Variants in SDCCAG8 observed in about 807,000 individuals in gnomAD.
SDCCAG8 encodes the protein serologically defined colon cancer antigen 8.
In SDCCAG8, 74 loss-of-function variants were observed where a neutral mutation model predicts 101.8. The ratio of observed to expected loss-of-function variants is 0.73; its 90% CI spans 0.60 to 0.88. The LOEUF is 0.88. Ranked by LOEUF, SDCCAG8 falls within the 40% of genes least tolerant of loss-of-function variation. The probability of loss-of-function intolerance (pLI) is 0.00; values close to 1 mark genes in which losing one functional copy is unlikely to be tolerated. For synonymous variants in SDCCAG8, 281 were observed against 292.9 expected (o/e 0.96, Z 0.41); for missense variants, 787 against 822.6 (o/e 0.96, Z 0.53).
At chr1:243,278,873 C>A (rs1052687812) in intron 4 of SDCCAG8, among the ~76,000 whole-genome samples, 1 of 152,144 alleles carries the variant, frequency 6.6e-6, no homozygotes, top group African/African-American at 2.4e-5. Flanking sequence ...GCCTTGACAT[C>A]CTGGGCGCAA....
intron 16 of SDCCAG8, among the ~76,000 whole-genome samples, chr1:243,430,659 G>T (rs2081677113): frequency 6.6e-6 from 1 of 151,426 alleles, no homozygotes; most frequent in Non-Finnish European, 1.5e-5. Flanking sequence ...AGCATGGTCT[G>T]GATCTCCTGA....
intron 1 of SDCCAG8, among the ~76,000 whole-genome samples, chr1:243,265,010 A>T (rs931999795): frequency 6.6e-6 from 1 of 152,180 alleles, no homozygotes; most frequent in Non-Finnish European, 1.5e-5. Flanking sequence ...GTTTCCTTAA[A>T]TGTAAGGAGC....
At chr1:243,307,615 C>G (rs756413647) in intron 7 of SDCCAG8, 145 of 984,828 alleles carry the variant, frequency 1.5e-4, no homozygotes, top group Non-Finnish European at 1.7e-4. Flanking sequence ...TTACCCCACC[C>G]CTTTTTTAAG....
rs566945226 is a variant in SDCCAG8, at chr1:243,429,095, C to A, written c.1985+2537C>A. Among the ~76,000 whole-genome samples the A allele has an allele frequency of 3.9e-5, 6 of 152,236 alleles. No homozygotes were observed. The South Asian group carries it at 1.2e-3, about 32-fold the overall frequency. Reference sequence around the variant, plus strand: ...TCCAAGAAGCAGAGAAAAGTCATGACGTTACAAGCAAAAGTTGCATTGCAG... The same window carrying A: ...TCCAAGAAGCAGAGAAAAGTCATGAAGTTACAAGCAAAAGTTGCATTGCAG... On this transcript the variant is annotated intron_variant, in intron 16 of 17. Coordinates refer to ENST00000366541, the MANE Select transcript of SDCCAG8 (RefSeq NM_006642.5).
intron 16 of SDCCAG8, among the ~76,000 whole-genome samples, chr1:243,445,172 G>A (rs2082814505): frequency 6.6e-6 from 1 of 152,134 alleles, no homozygotes; most frequent in Non-Finnish European, 1.5e-5. Flanking sequence ...AGCTCTGCCT[G>A]TCTTATATGA....
intron 16 of SDCCAG8, among the ~76,000 whole-genome samples, chr1:243,454,608 AT>A (rs2083602273): frequency 6.6e-6 from 1 of 152,200 alleles, no homozygotes; most frequent in African/African-American, 2.4e-5. Context: ...CCAGCTAAGC[AT>A]ATGTTATCTC....
intron 12 of SDCCAG8, among the ~76,000 whole-genome samples, chr1:243,345,603 CT>C (rs931252061): frequency 6.6e-6 from 1 of 152,090 alleles, no homozygotes; most frequent in African/African-American, 2.4e-5. Flanking sequence ...TATTGGCATA[CT>C]TTTGGCCTTT....
At chr1:243,324,450 C>CTTCACAT (rs1364012591) in intron 9 of SDCCAG8, among the ~76,000 whole-genome samples, 5 of 140,774 alleles carry the variant, frequency 3.6e-5, no homozygotes, top group Non-Finnish European at 6.1e-5. Flanking sequence ...GGCTTCACAT[C>CTTCACAT]TTCACATGCT....
At position 243,431,293 on chromosome 1, in the gene SDCCAG8, A is replaced by C. The variant is rs1400581305; in HGVS notation, c.1985+4735A>C. ...GAATGCTAATATTGGTGACAGAAAT[A>C]AACACTGGCGAAATGTGTAGGAAGT... is the stretch of plus-strand genomic sequence containing the variant. On this transcript the variant is annotated intron_variant, in intron 16 of 17. Coordinates refer to ENST00000366541, the MANE Select transcript of SDCCAG8 (RefSeq NM_006642.5). Among the ~76,000 whole-genome samples the C allele has an allele frequency of 2.0e-5, 3 of 152,218 alleles. No homozygotes were observed. In the East Asian group the frequency reaches 5.8e-4, roughly 29 times the overall value.
chr1:243,379,696 C>G (rs1350277169), intron 13 of SDCCAG8, among the ~76,000 whole-genome samples: 1 of 152,156 alleles, frequency 6.6e-6, no homozygotes, highest in Non-Finnish European at 1.5e-5. Flanking sequence ...TGGGGTTGCT[C>G]AGTTCTTAAA....
chr1:243,456,903 T>G (rs2083802611), intron 16 of SDCCAG8, among the ~76,000 whole-genome samples: 1 of 152,236 alleles, frequency 6.6e-6, no homozygotes. Flanking sequence ...GCATCACACT[T>G]TTAAAGAACA....
chr1:243,267,810 C>G (rs2067749799), intron 1 of SDCCAG8: 1 of 835,688 alleles, frequency 1.2e-6, no homozygotes. Context: ...ATTACACAAT[C>G]AGTTATACAA....
intron 16 of SDCCAG8, among the ~76,000 whole-genome samples, chr1:243,448,055 G>A (rs1213735759): frequency 6.6e-6 from 1 of 152,122 alleles, no homozygotes; most frequent in African/African-American, 2.4e-5. Flanking sequence ...CAGGATTCCC[G>A]AGTCCTTGCT....
intron 17 of SDCCAG8, among the ~76,000 whole-genome samples, chr1:243,496,616 G>GC (rs1267573994): frequency 7.9e-5 from 12 of 152,202 alleles, no homozygotes; most frequent in African/African-American, 1.4e-4. Flanking sequence ...GAAGTGCGAA[G>GC]CCCGGGCAGG....
At chr1:243,398,292 A>G (rs1163389786) in intron 13 of SDCCAG8, among the ~76,000 whole-genome samples, 2 of 152,172 alleles carry the variant, frequency 1.3e-5, no homozygotes, top group African/African-American at 2.4e-5. Flanking sequence ...AATATAAAGA[A>G]TTGAAATCAG....
intron 7 of SDCCAG8, chr1:243,306,233 A>G (rs2072114434): frequency 6.6e-6 from 1 of 152,112 alleles, no homozygotes; most frequent in Admixed American, 6.5e-5. Context: ...TTTACAAAGA[A>G]ATGTTAACAT....
chr1:243,308,511 C>T (rs2072389032), intron 8 of SDCCAG8, among the ~76,000 whole-genome samples: 1 of 152,226 alleles, frequency 6.6e-6, no homozygotes, highest in South Asian at 2.1e-4. Flanking sequence ...AAATCTAATA[C>T]TATTCTTAGC....
At chr1:243,327,296 TATA>T (rs912634789) in intron 9 of SDCCAG8, among the ~76,000 whole-genome samples, 1 of 148,432 alleles carries the variant, frequency 6.7e-6, no homozygotes, top group Non-Finnish European at 1.5e-5. Flanking sequence ...AAATTAAAAT[TATA>T]ATTTATAATT....
chr1:243,360,843 A>G (rs1420430587), intron 12 of SDCCAG8, among the ~76,000 whole-genome samples: 2 of 151,962 alleles, frequency 1.3e-5, no homozygotes, highest in African/African-American at 4.8e-5. Context: ...AAACAAAACA[A>G]AAAAACAAAC....
Sources: allele counts gnomAD v4.1 joint callset (sites outside exome capture counted in the v4.1 genomes callset), GRCh38; gene constraint gnomAD v4.1.1; transcripts MANE v1.5; gene names NCBI Gene and HGNC (gene_info 2026-07-23, HGNC 2026-07-21).